MPRIP: variants seen among roughly 807,000 people sequenced by gnomAD.
MPRIP encodes myosin phosphatase Rho interacting protein.
Under a neutral mutation model 234.9 loss-of-function variants are expected in MPRIP, and 59 were observed. The observed-to-expected ratio is 0.25, with a 90% CI of 0.20 to 0.31. The LOEUF is 0.31. Among genes scored for constraint, MPRIP ranks in the 10% least tolerant of loss-of-function variants. The pLI is 1.00. For missense variants in MPRIP, 2,436 were observed against 3,071.0 expected (o/e 0.79, Z 4.89); for synonymous variants, 1,144 against 1,263.9 (o/e 0.91, Z 2.01).
chr17:17,137,538 G>T (rs1299639458), intron 6 of MPRIP, among the ~76,000 whole-genome samples: 1 of 151,482 alleles, frequency 6.6e-6, no homozygotes, highest in African/African-American at 2.4e-5. Context: ...AATACTGAAG[G>T]GCTTGTTGGC....
At position 17,166,359 on chromosome 17, in the gene MPRIP, G is replaced by A. The variant is rs1302998986; in HGVS notation, c.4768G>A (p.Val1590Ile). 1 of 1,304,596 alleles carries A rather than the reference G, an allele frequency of 7.7e-7. No homozygotes were observed. The highest frequency in any genetic ancestry group is 2.3e-5 in the Admixed American group (1 of 43,578). The allele number at this position is 1,304,596 out of a possible 1,614,324, so 80.8% of individuals were successfully genotyped here. A position where few individuals can be genotyped will look rare whatever the true frequency, so the allele number is the denominator to read the frequency against. The part of the protein sequence containing the change: ...ADSLKNTTSD[V>I]SRMLHEISWS... The stretch of plus-strand genomic sequence containing the variant: ...TTCCCTGAAGAACACAACATCAGAT[G>A]TCTCCCGAATGCTCCATGAGATTTC... Residue 1590 changes from valine to isoleucine, a missense_variant, in exon 16 of 24, where the codon GTC becomes ATC. Transcript: ENST00000651222. The surrounding 1 kb of genome is among the most constrained non-coding windows in gnomAD (Gnocchi z 4.4).
chr17:17,097,941 G>A (rs2089882599), intron 3 of MPRIP, among the ~76,000 whole-genome samples: 1 of 152,194 alleles, frequency 6.6e-6, no homozygotes, highest in South Asian at 2.1e-4. Context: ...CCCATTGGAA[G>A]CCTGCAGATA....
chr17:17,088,191 C>T (rs747339861), intron 3 of MPRIP, among the ~76,000 whole-genome samples: 16 of 152,240 alleles, frequency 1.1e-4, no homozygotes, highest in Non-Finnish European at 1.9e-4. Context: ...CGAGAGCTGT[C>T]GTGAGGGTAA....
Position 17,126,737 on chromosome 17 carries a change from C to A in MPRIP, c.303C>A (p.Asn101Lys). The change falls in exon 4 of 24, where the codon AAC becomes AAA. Residue 101 changes from asparagine to lysine, a missense_variant. Around this residue, in one of 4 missense-constraint regions of MPRIP, gnomAD observed 140 missense variants for 207.3 expected, o/e 0.68. Coordinates refer to ENST00000651222, the MANE Select transcript of MPRIP (RefSeq NM_001364716.4). ...TTLPQGTINM[N>K]QCTDVVDGEG... is the part of the protein sequence containing the mutation. The stretch of plus-strand genomic sequence containing the variant: ...TTCCTCAGGGCACCATCAACATGAA[C>A]CAGTGCACAGATGTGGTGGATGGGG... 6.2e-7 allele frequency: 1 copy of A among 1,614,028 alleles called. No individual in the cohort carries two copies. The highest frequency in any genetic ancestry group is 8.5e-7 in the Non-Finnish European group (1 of 1,179,964).
Position 17,165,247 on chromosome 17 carries a change from T to A in MPRIP, c.3656T>A (p.Phe1219Tyr). Residue 1219 changes from phenylalanine (F) to tyrosine (Y), a missense_variant, in exon 16 of 24, where the codon TTT becomes TAT. Physicochemically the swap from Phe to Tyr is conservative, Grantham distance 22 (BLOSUM62 3). Coordinates refer to ENST00000651222, the MANE Select transcript of MPRIP (RefSeq NM_001364716.4). ...GCAAAAGAAGAGATTTTAAGGAAAT[T>A]TGCAAGTGAATCTCCAAAGGACATG... ...LQAKEEILRK[F>Y]ASESPKDMEE... 1 of 1,304,006 alleles carries A rather than the reference T, an allele frequency of 7.7e-7. No homozygotes were observed. Among genetic ancestry groups the A allele is most frequent in the Non-Finnish European group, 1.0e-6 (1 of 988,950 alleles). 80.8% of individuals were successfully genotyped at this position (1,304,006 alleles called of 1,614,324 possible). A position where few individuals can be genotyped will look rare whatever the true frequency, so the allele number is the denominator to read the frequency against.
intron 3 of MPRIP, among the ~76,000 whole-genome samples, chr17:17,119,786 C>T (rs1323920138): frequency 6.6e-6 from 1 of 152,194 alleles, no homozygotes; most frequent in African/African-American, 2.4e-5. Context: ...TTTTCATACT[C>T]CTTAAGTGGG....
chr17:17,106,512 T>C (rs764415483), intron 3 of MPRIP, among the ~76,000 whole-genome samples: 5 of 152,166 alleles, frequency 3.3e-5, no homozygotes, highest in Admixed American at 6.5e-5. Flanking sequence ...CTTTGAGACC[T>C]GGACAGTGCC....
chr17:17,183,172 C>T (rs957371483), intron 23 of MPRIP: 4 of 152,282 alleles, frequency 2.6e-5, no homozygotes. Flanking sequence ...ACACAATTAT[C>T]AAGCTGTGAC....
intron 3 of MPRIP, among the ~76,000 whole-genome samples, chr17:17,118,304 G>A (rs1037940731): frequency 4.6e-5 from 7 of 152,366 alleles, no homozygotes; most frequent in East Asian, 1.9e-4. Context: ...GCCATCGGGT[G>A]TAGAATGGGC....
intron 12 of MPRIP, among the ~76,000 whole-genome samples, chr17:17,153,588 A>G (rs1239524932): frequency 6.6e-6 from 1 of 151,016 alleles, no homozygotes; most frequent in African/African-American, 2.4e-5. Flanking sequence ...TACCTTGCAC[A>G]AGCACCGAGG....
At chr17:17,117,690 G>A (rs558533604) in intron 3 of MPRIP, among the ~76,000 whole-genome samples, 2 of 152,312 alleles carry the variant, frequency 1.3e-5, no homozygotes, top group East Asian at 1.9e-4. Context: ...GTATATGTTC[G>A]AGTACCTGTC....
intron 9 of MPRIP, among the ~76,000 whole-genome samples, chr17:17,144,483 A>G (rs564557052): frequency 2.4e-4 from 36 of 152,332 alleles, no homozygotes; most frequent in Non-Finnish European, 3.4e-4. Flanking sequence ...CCACCTGCAT[A>G]GGCCTTGCCA....
At chr17:17,119,215 A>G (rs947472586) in intron 3 of MPRIP, among the ~76,000 whole-genome samples, 2 of 152,212 alleles carry the variant, frequency 1.3e-5, no homozygotes, top group African/African-American at 4.8e-5. Flanking sequence ...TGGCTCGAGC[A>G]GCCAGACCAT....
intron 1 of MPRIP, among the ~76,000 whole-genome samples, chr17:17,056,805 C>T (rs935842437): frequency 2.0e-5 from 3 of 152,094 alleles, no homozygotes; most frequent in African/African-American, 7.2e-5. Context: ...CCAGCAACTA[C>T]AAATCTGCTT....
chr17:17,148,940 T>C (rs2045535827), intron 11 of MPRIP, among the ~76,000 whole-genome samples: 1 of 152,222 alleles, frequency 6.6e-6, no homozygotes, highest in South Asian at 2.1e-4. Context: ...ACTTACACTC[T>C]CCTGATGAAA....
At chr17:17,050,415 T>G (rs1422728096) in intron 1 of MPRIP, among the ~76,000 whole-genome samples, 1 of 151,940 alleles carries the variant, frequency 6.6e-6, no homozygotes, top group Non-Finnish European at 1.5e-5. Context: ...AAAAAAGTTA[T>G]GACGTGCGCA....
intron 3 of MPRIP, among the ~76,000 whole-genome samples, chr17:17,121,080 C>T (rs2090379631): frequency 6.6e-6 from 1 of 152,196 alleles, no homozygotes; most frequent in Non-Finnish European, 1.5e-5. Flanking sequence ...CCTGACATGG[C>T]TACTTCCTAG....
intron 21 of MPRIP, among the ~76,000 whole-genome samples, chr17:17,176,763 A>C (rs1026575555): frequency 6.6e-6 from 1 of 152,178 alleles, no homozygotes; most frequent in Non-Finnish European, 1.5e-5. Context: ...GTGCCTTGGG[A>C]GGAATGTTCC....
At chr17:17,093,018 G>A (rs1044148535) in intron 3 of MPRIP, among the ~76,000 whole-genome samples, 5 of 152,190 alleles carry the variant, frequency 3.3e-5, no homozygotes. Flanking sequence ...GGGTGGGGAG[G>A]GGTAAGAGGG....
Sources: gnomAD v4.1 joint callset for allele counts (sites outside exome capture counted in the v4.1 genomes callset) on GRCh38, gnomAD v4.1.1 for gene constraint, gnomAD v4.1.1 regional missense constraint, Gnocchi (gnomAD v3.1) non-coding constraint, MANE v1.5 for transcripts, NCBI Gene and HGNC (gene_info 2026-07-23, HGNC 2026-07-21) for gene names.